Variants in AK5 observed in about 807,000 individuals in gnomAD.
AK5 encodes adenylate kinase isoenzyme 5.
AK5 carries 27 observed loss-of-function variants against 69.5 expected under a neutral mutation model. The observed-to-expected ratio is 0.39, with a 90% CI of 0.29 to 0.54. The LOEUF (loss-of-function observed/expected upper bound fraction) is 0.54. Among genes scored for constraint, AK5 ranks in the 20% least tolerant of loss-of-function variants. The probability of loss-of-function intolerance (pLI) is 0.71; values close to 1 mark genes in which losing one functional copy is unlikely to be tolerated. For synonymous variants in AK5, 260 were observed against 244.4 expected (o/e 1.06, Z -0.60); for missense variants, 531 against 700.4 (o/e 0.76, Z 2.73).
intron 8 of AK5, among the ~76,000 whole-genome samples, chr1:77,464,745 G>A (rs1235446028): frequency 1.3e-5 from 2 of 152,120 alleles, no homozygotes. Context: ...ATGGAAACAT[G>A]ACATTGCCAC....
At chr1:77,464,606 C>T (rs779701376) in intron 8 of AK5, among the ~76,000 whole-genome samples, 253 of 152,262 alleles carry the variant, frequency 1.7e-3, no homozygotes, top group South Asian at 2.5e-3. Flanking sequence ...TATTGAGGGA[C>T]AGCCGGGAGG....
At chr1:77,506,565 T>C (rs935414819) in intron 10 of AK5, among the ~76,000 whole-genome samples, 8 of 152,158 alleles carry the variant, frequency 5.3e-5, no homozygotes, top group Admixed American at 6.5e-5. Context: ...GCTGGAGTCA[T>C]GGCATTTGGT....
intron 2 of AK5, among the ~76,000 whole-genome samples, chr1:77,291,516 C>A (rs1338802911): frequency 6.6e-6 from 1 of 152,164 alleles, no homozygotes; most frequent in Non-Finnish European, 1.5e-5. Flanking sequence ...AAATCCTCCA[C>A]TGGCTTTCTA....
At chr1:77,528,013 C>G (rs1241041330) in intron 12 of AK5, among the ~76,000 whole-genome samples, 1 of 152,172 alleles carries the variant, frequency 6.6e-6, no homozygotes, top group Non-Finnish European at 1.5e-5. Flanking sequence ...GAGCCAAGAT[C>G]GCACCACTGC....
rs747361184 is a variant in AK5 at position 77,297,942 on chromosome 1, G to A, written c.694G>A (p.Asp232Asn). 2.5e-6 allele frequency: 4 copies of A among 1,602,710 alleles called. No individual in the cohort carries two copies. Among genetic ancestry groups the A allele is most frequent in the Non-Finnish European group, 3.4e-6 (4 of 1,174,476 alleles). ...TGTTGCCCAGGCTCTATCTTTTGAG[G>A]ACCAAGTAAGAATATCTCCTTATAT... The part of the protein sequence containing the change: ...RDVAQALSFE[D>N]QICTPDLVVF... The change falls in exon 5 of 14, where the codon GAC becomes AAC. Residue 232 changes from aspartate to asparagine, a missense_variant. By Grantham distance (23) the Asp-to-Asn change is conservative. Transcript: ENST00000354567.
At chr1:77,449,116 G>C in intron 8 of AK5, among the ~76,000 whole-genome samples, 1 of 152,166 alleles carries the variant, frequency 6.6e-6, no homozygotes, top group East Asian at 1.9e-4. Flanking sequence ...GCTATGAGAA[G>C]AGGTCCACTG....
rs376578923 is a variant in AK5 at position 77,368,245 on chromosome 1, A to ATATATATATATATTATATATAT, written c.891+27685_891+27686insTATATTATATATATTATATATA. Among the ~76,000 whole-genome samples, 8 of 67,900 alleles carry ATATATATATATATTATATATAT rather than the reference A, an allele frequency of 1.2e-4. 1 individual carries two copies. Among genetic ancestry groups the ATATATATATATATTATATATAT allele is most frequent in the South Asian group, 1.1e-3 (2 of 1,816 alleles). The allele number at this position is 67,900 out of a possible 152,430, so 44.5% of individuals were successfully genotyped here. On this transcript the variant is annotated intron_variant, in intron 6 of 13. Coordinates refer to ENST00000354567, the MANE Select transcript of AK5 (RefSeq NM_174858.3). ...TATATATATATATATATATATATAT[A>ATATATATATATATTATATATAT]TATATATAATATATATGTTATATAT...
intron 6 of AK5, among the ~76,000 whole-genome samples, chr1:77,376,274 A>G (rs964304796): frequency 6.6e-6 from 1 of 152,102 alleles, no homozygotes; most frequent in Middle Eastern, 3.4e-3. Context: ...CCCTCTCTCC[A>G]TCATTCTCCC....
intron 13 of AK5, among the ~76,000 whole-genome samples, chr1:77,553,907 G>T (rs1570358781): frequency 2.0e-5 from 3 of 152,244 alleles, no homozygotes; most frequent in Admixed American, 2.0e-4. Context: ...GAAAAGAGAT[G>T]AGGAAGGCAG....
intron 10 of AK5, among the ~76,000 whole-genome samples, chr1:77,490,963 AC>A (rs1299428602): frequency 6.6e-6 from 1 of 152,028 alleles, no homozygotes; most frequent in South Asian, 2.1e-4. Context: ...AACACATCTG[AC>A]TTTTCAGGTG....
chr1:77,416,955 G>A (rs1331531911), intron 7 of AK5, among the ~76,000 whole-genome samples: 1 of 152,130 alleles, frequency 6.6e-6, no homozygotes, highest in Non-Finnish European at 1.5e-5. Context: ...TGCTTCAGAA[G>A]TCCCATTGTA....
intron 7 of AK5, among the ~76,000 whole-genome samples, chr1:77,416,397 C>A (rs1175514113): frequency 2.6e-5 from 4 of 152,144 alleles, no homozygotes; most frequent in Non-Finnish European, 5.9e-5. Flanking sequence ...CACACTTATG[C>A]AACTGCAACT....
At chr1:77,471,511 C>T (rs1654511465) in intron 8 of AK5, among the ~76,000 whole-genome samples, 2 of 152,218 alleles carry the variant, frequency 1.3e-5, no homozygotes, top group Admixed American at 1.3e-4. Flanking sequence ...CTTTTCCCCA[C>T]TGCAATAGTA....
intron 8 of AK5, among the ~76,000 whole-genome samples, chr1:77,432,912 G>A (rs746902911): frequency 6.6e-6 from 1 of 152,204 alleles, no homozygotes; most frequent in Non-Finnish European, 1.5e-5. Context: ...TTTTGATGGA[G>A]TGTCTTGGGA....
At position 77,337,539 on chromosome 1, in the gene AK5, A is replaced by G. The variant is rs144874688; in HGVS notation, c.700-2838A>G. The stretch of plus-strand genomic sequence containing the variant: ...TAAATTTTAAATTATATCTTTTATT[A>G]TAGTGGCTGAAGCTGGATGTTACTG... On this transcript the variant is annotated intron_variant, in intron 5 of 13. Transcript: ENST00000354567. Among the ~76,000 whole-genome samples the G allele has an allele frequency of 5.4e-3, 815 of 152,240 alleles. 5 individuals carry two copies. The highest frequency in any genetic ancestry group is 8.8e-3 in the Non-Finnish European group (600 of 68,016).
chr1:77,480,226 G>A (rs1436444461), intron 8 of AK5, among the ~76,000 whole-genome samples: 1 of 151,774 alleles, frequency 6.6e-6, no homozygotes, highest in Non-Finnish European at 1.5e-5. Flanking sequence ...AGAGTCCCTG[G>A]TTACACCCTC....
chr1:77,405,816 C>T (rs561645003), intron 6 of AK5, among the ~76,000 whole-genome samples: 10 of 152,266 alleles, frequency 6.6e-5, no homozygotes, highest in Admixed American at 2.6e-4. Flanking sequence ...TCCATGTAGC[C>T]CTTCTGGAGA....
chr1:77,467,231 T>A (rs1210754060), intron 8 of AK5, among the ~76,000 whole-genome samples: 1 of 152,148 alleles, frequency 6.6e-6, no homozygotes, highest in Non-Finnish European at 1.5e-5. Context: ...GTGTGAGACT[T>A]TGGTCCTTGT....
intron 8 of AK5, among the ~76,000 whole-genome samples, chr1:77,434,272 G>A (rs1370332631): frequency 6.6e-6 from 1 of 151,840 alleles, no homozygotes; most frequent in Non-Finnish European, 1.5e-5. Flanking sequence ...TATGATCTTG[G>A]AACATTCATA....
Sources: allele counts gnomAD v4.1 joint callset (sites outside exome capture counted in the v4.1 genomes callset), GRCh38; gene constraint gnomAD v4.1.1; transcripts MANE v1.5; gene names NCBI Gene and HGNC (gene_info 2026-07-23, HGNC 2026-07-21).